The following PCTP variants were observed in gnomAD, a reference collection of about 807,000 sequenced individuals.
PCTP encodes the protein START domain-containing protein 2.
In PCTP, 27 loss-of-function variants were observed where a neutral mutation model predicts 31.0. The observed-to-expected ratio is 0.87, with a 90% CI of 0.64 to 1.20. The LOEUF (loss-of-function observed/expected upper bound fraction) is 1.20, where lower values mean the gene tolerates loss of function less well. PCTP is among the 50% of genes most tolerant of loss of function. The pLI, the probability that PCTP is intolerant of heterozygous loss-of-function variation, is 0.00. For synonymous variants in PCTP, 108 were observed against 101.2 expected (o/e 1.07, Z -0.40); for missense variants, 287 against 268.2 (o/e 1.07, Z -0.49).
At chr17:55,753,763 C>T (rs990798314) in intron 1 of PCTP, among the ~76,000 whole-genome samples, 2 of 152,168 alleles carry the variant, frequency 1.3e-5, no homozygotes, top group East Asian at 1.9e-4. Flanking sequence ...TGTATACAGA[C>T]GAGGCAGTTG....
chr17:55,829,764 G>A (rs1463472424), intron 5 of PCTP, among the ~76,000 whole-genome samples: 1 of 151,870 alleles, frequency 6.6e-6, no homozygotes, highest in Non-Finnish European at 1.5e-5. Context: ...TTGAGGTGCT[G>A]TTGTCACTGA....
intron 3 of PCTP, among the ~76,000 whole-genome samples, chr17:55,788,291 T>C (rs569818670): frequency 1.3e-5 from 2 of 152,336 alleles, no homozygotes; most frequent in South Asian, 2.1e-4. Context: ...TTTATTCTTG[T>C]CTTTAACAAA....
chr17:55,790,685 C>T (rs1453195170), intron 3 of PCTP, among the ~76,000 whole-genome samples: 3 of 151,618 alleles, frequency 2.0e-5, no homozygotes, highest in Non-Finnish European at 4.4e-5. Flanking sequence ...ACATTCCATG[C>T]ACATGGGTAG....
chr17:55,812,521 C>T (rs1912785644), intron 3 of PCTP, among the ~76,000 whole-genome samples: 1 of 152,168 alleles, frequency 6.6e-6, no homozygotes, highest in Non-Finnish European at 1.5e-5. Flanking sequence ...TCACCTGCCC[C>T]ATATCTTCAA....
chr17:55,839,362 C>A (rs1257083025), intron 5 of PCTP, among the ~76,000 whole-genome samples: 1 of 152,196 alleles, frequency 6.6e-6, no homozygotes, highest in African/African-American at 2.4e-5. Flanking sequence ...AAATGGAAAG[C>A]TGACTTGATG....
At chr17:55,756,760 T>A (rs1486033377) in intron 1 of PCTP, among the ~76,000 whole-genome samples, 1 of 151,924 alleles carries the variant, frequency 6.6e-6, no homozygotes, top group Non-Finnish European at 1.5e-5. Flanking sequence ...TATATATATA[T>A]TTAGGCTTCT....
chr17:55,814,644 G>C (rs1168629515), intron 3 of PCTP, among the ~76,000 whole-genome samples: 4 of 152,254 alleles, frequency 2.6e-5, no homozygotes, highest in Non-Finnish European at 5.9e-5. Flanking sequence ...ACACTAGAAA[G>C]TTGGCAGCTT....
At chr17:55,770,530 C>G (rs1224302649) in intron 2 of PCTP, 1 of 152,154 alleles carries the variant, frequency 6.6e-6, no homozygotes, top group Admixed American at 6.5e-5. Context: ...TGCATTCTAT[C>G]AAGAATATTG....
intron 3 of PCTP, among the ~76,000 whole-genome samples, chr17:55,795,993 A>G (rs557271966): frequency 5.3e-5 from 8 of 152,180 alleles, no homozygotes; most frequent in African/African-American, 1.7e-4. Context: ...ATGAAGGATC[A>G]ACTAATTCTG....
At chr17:55,757,510 G>A (rs913564061) in intron 1 of PCTP, among the ~76,000 whole-genome samples, 1 of 148,400 alleles carries the variant, frequency 6.7e-6, no homozygotes, top group Admixed American at 6.8e-5. Context: ...TACTATATGT[G>A]TATATATATA....
chr17:55,802,965 G>T (rs539179821), intron 3 of PCTP, among the ~76,000 whole-genome samples: 1 of 152,114 alleles, frequency 6.6e-6, no homozygotes, highest in Non-Finnish European at 1.5e-5. Flanking sequence ...AAACCCCATC[G>T]TCTCAGCCCC....
At chr17:55,848,950 A>T in the PCTP span, among the ~76,000 whole-genome samples, 1 of 152,234 alleles carries the variant, frequency 6.6e-6, no homozygotes, top group South Asian at 2.1e-4. Flanking sequence ...AAAAAAAAAT[A>T]GTGGTATAAC....
At chr17:55,784,980 C>T (rs1230067372) in intron 2 of PCTP, among the ~76,000 whole-genome samples, 3 of 152,186 alleles carry the variant, frequency 2.0e-5, no homozygotes, top group Non-Finnish European at 4.4e-5. Context: ...TAGCACACTG[C>T]CTATGGTATG....
At position 55,805,131 on chromosome 17, in the gene PCTP, G is replaced by A. The variant is rs149974113; in HGVS notation, c.317+17477G>A. Among the ~76,000 whole-genome samples the A allele has an allele frequency of 8.0e-3, 1,223 of 152,190 alleles. 13 individuals are homozygous for A. The highest frequency in any genetic ancestry group is 0.024 in the Middle Eastern group (7 of 294). ...TGTTTTGCTTTAAGCAACTGAATTTGGGGATGGGTTGTTTTACATCAATAG... is the reference window on the plus strand; with the variant it reads ...TGTTTTGCTTTAAGCAACTGAATTTAGGGATGGGTTGTTTTACATCAATAG... On this transcript the variant is annotated intron_variant, in intron 3 of 3. Transcript: ENST00000572536.
At chr17:55,753,937 C>T (rs551291788) in intron 1 of PCTP, among the ~76,000 whole-genome samples, 2 of 152,324 alleles carry the variant, frequency 1.3e-5, no homozygotes, top group Admixed American at 1.3e-4. Context: ...GATGGACCGT[C>T]TTAGGAGGGT....
intron 1 of PCTP, among the ~76,000 whole-genome samples, chr17:55,755,390 T>G (rs1430116029): frequency 2.0e-5 from 3 of 152,192 alleles, no homozygotes; most frequent in Non-Finnish European, 4.4e-5. Context: ...ATTGTGACCA[T>G]GATTTAAATG....
downstream of PCTP, among the ~76,000 whole-genome samples, chr17:55,823,808 C>G (rs1383481819): frequency 2.0e-5 from 3 of 152,246 alleles, no homozygotes; most frequent in Non-Finnish European, 2.9e-5. Flanking sequence ...GCTTTCACTG[C>G]TTCTGTATCC....
At chr17:55,810,746 C>A (rs1912725561) in intron 3 of PCTP, among the ~76,000 whole-genome samples, 2 of 152,096 alleles carry the variant, frequency 1.3e-5, no homozygotes. Context: ...CTAGAGGAAA[C>A]CATAGTCAGG....
At chr17:55,760,712 A>G (rs1438468430) in intron 1 of PCTP, among the ~76,000 whole-genome samples, 1 of 151,216 alleles carries the variant, frequency 6.6e-6, no homozygotes, top group Non-Finnish European at 1.5e-5. Context: ...AGCAGCATCT[A>G]AAAAAAAATA....
Sources: gnomAD v4.1 joint callset for allele counts (sites outside exome capture counted in the v4.1 genomes callset) on GRCh38, gnomAD v4.1.1 for gene constraint, MANE v1.5 for transcripts, NCBI Gene and HGNC (gene_info 2026-07-23, HGNC 2026-07-21) for gene names.